ANKIB1: variants seen among roughly 807,000 people sequenced by gnomAD.
ANKIB1 encodes the protein ankyrin repeat and IBR domain containing 1.
ANKIB1 carries 43 observed loss-of-function variants against 122.1 expected under a neutral mutation model. That is an observed-to-expected ratio of 0.35 (90% CI 0.28 to 0.45). The LOEUF is 0.45. Among genes scored for constraint, ANKIB1 ranks in the 20% least tolerant of loss-of-function variants. ANKIB1 has a pLI of 1.00. For missense variants in ANKIB1, 992 were observed against 1,329.5 expected (o/e 0.75, Z 3.95); for synonymous variants, 390 against 442.0 (o/e 0.88, Z 1.48).
intron 1 of ANKIB1, among the ~76,000 whole-genome samples, chr7:92,268,080 CTTTTG>C (rs1004045581): frequency 1.5e-4 from 23 of 152,104 alleles, no homozygotes; most frequent in Non-Finnish European, 2.9e-4. Flanking sequence ...TTTCTGTGTA[CTTTTG>C]TTTTGTTTAT....
intron 2 of ANKIB1, among the ~76,000 whole-genome samples, chr7:92,302,121 A>G (rs949806601): frequency 6.6e-6 from 1 of 151,932 alleles, no homozygotes; most frequent in African/African-American, 2.4e-5. Context: ...TTTAGTAGAG[A>G]TGTAGTTTCA....
chr7:92,354,465 AG>A (rs1803743369), intron 9 of ANKIB1, among the ~76,000 whole-genome samples: 1 of 152,190 alleles, frequency 6.6e-6, no homozygotes, highest in African/African-American at 2.4e-5. Context: ...CCTATTCATT[AG>A]GGTAGTAGAG....
chr7:92,359,961 G>A (rs1049555478), intron 9 of ANKIB1, among the ~76,000 whole-genome samples: 4 of 152,130 alleles, frequency 2.6e-5, no homozygotes, highest in Admixed American at 2.0e-4. Context: ...CTACCACTAA[G>A]TTGCTAGGAG....
intron 11 of ANKIB1, among the ~76,000 whole-genome samples, chr7:92,372,068 G>C (rs1407741641): frequency 6.6e-6 from 1 of 150,638 alleles, no homozygotes; most frequent in Non-Finnish European, 1.5e-5. Context: ...GCTGGTTTTG[G>C]AGCGTACGGC....
chr7:92,387,728 A>T (rs973761785), intron 12 of ANKIB1, 70 bp from the exon 13 acceptor site: 9 of 1,165,782 alleles, frequency 7.7e-6, no homozygotes, highest in Admixed American at 4.9e-5. Flanking sequence ...CTTTTAAATG[A>T]TTCCCCCAAA....
At position 92,246,369 on chromosome 7, in the gene ANKIB1, C is replaced by T. The variant is rs1380401818; in HGVS notation, c.-241C>T. 1 of 466,876 alleles carries T rather than the reference C, an allele frequency of 2.1e-6. No homozygotes were observed. Among genetic ancestry groups the T allele is most frequent in the African/African-American group, 2.0e-5 (1 of 50,476 alleles). The allele number at this position is 466,876 out of a possible 1,614,324, so 28.9% of individuals were successfully genotyped here. A position where few individuals can be genotyped will look rare whatever the true frequency, so the allele number is the denominator to read the frequency against. Reference sequence around the variant, plus strand: ...ATCAGCCTCCGCCTGGCGGGTGCACCCGGGCCGGCGAGGAAGGGGCAACCG... The same window carrying T: ...ATCAGCCTCCGCCTGGCGGGTGCACTCGGGCCGGCGAGGAAGGGGCAACCG... On this transcript the variant is annotated 5_prime_UTR_variant, in exon 1 of 20. Coordinates refer to ENST00000265742, the MANE Select transcript of ANKIB1 (RefSeq NM_019004.2).
intron 3 of ANKIB1, among the ~76,000 whole-genome samples, chr7:92,314,978 A>T (rs1802764321): frequency 6.6e-6 from 1 of 152,032 alleles, no homozygotes; most frequent in Admixed American, 6.6e-5. Context: ...GCCTTTGGTG[A>T]CTCAGTCAGT....
chr7:92,311,858 G>T (rs1475011188), intron 3 of ANKIB1, among the ~76,000 whole-genome samples: 1 of 152,058 alleles, frequency 6.6e-6, no homozygotes, highest in Non-Finnish European at 1.5e-5. Flanking sequence ...GCCTATATCT[G>T]ACTTCTCTGA....
At chr7:92,295,214 A>G (rs780309242) in intron 2 of ANKIB1, 48 bp downstream of exon 2, 1 of 1,307,994 alleles carries the variant, frequency 7.6e-7, no homozygotes, top group South Asian at 2.1e-5. Flanking sequence ...ACCGTAAACT[A>G]ATTGGTAACA....
chr7:92,291,039 A>G lies in ANKIB1; in HGVS notation c.-90-3850A>G, dbSNP rs188131123. ...CTGGGTGCAGTGGCTCGCACCTGTA[A>G]TGTCAGCACTTTGGAAGGCCGAGGT... On this transcript the variant is annotated intron_variant, in intron 1 of 19. Transcript: ENST00000265742. Among the ~76,000 whole-genome samples, 364 of 152,312 alleles carry G rather than the reference A, an allele frequency of 2.4e-3. 2 individuals are homozygous for G. The highest frequency in any genetic ancestry group is 8.2e-3 in the African/African-American group (341 of 41,564).
chr7:92,380,645 A>G (rs1335283708), intron 11 of ANKIB1, among the ~76,000 whole-genome samples: 3 of 152,212 alleles, frequency 2.0e-5, no homozygotes, highest in Non-Finnish European at 4.4e-5. Context: ...AGCAAACTCC[A>G]ACAGACCTGC....
intron 6 of ANKIB1, 74 bp from the exon 7 acceptor site, chr7:92,344,904 A>T: frequency 7.4e-7 from 1 of 1,360,346 alleles, no homozygotes; most frequent in Non-Finnish European, 1.0e-6. Flanking sequence ...TGCCTTTTAA[A>T]AAAGTAAACA....
intron 11 of ANKIB1, among the ~76,000 whole-genome samples, chr7:92,385,117 A>C (rs1804605960): frequency 6.6e-6 from 1 of 152,262 alleles, no homozygotes; most frequent in African/African-American, 2.4e-5. Flanking sequence ...TGCAGCCAAC[A>C]GGCATGAAAA....
chr7:92,313,332 G>A (rs1802730305), intron 3 of ANKIB1, among the ~76,000 whole-genome samples: 2 of 152,058 alleles, frequency 1.3e-5, no homozygotes, highest in Admixed American at 6.6e-5. Context: ...TTGAAAAGTC[G>A]TAAAAACCAT....
intron 1 of ANKIB1, among the ~76,000 whole-genome samples, chr7:92,256,151 G>A (rs989136807): frequency 1.4e-4 from 21 of 152,192 alleles, no homozygotes; most frequent in Admixed American, 2.6e-4. Context: ...CCGTTTTCAG[G>A]AGGAATTGGT....
intron 1 of ANKIB1, among the ~76,000 whole-genome samples, chr7:92,265,035 G>T: frequency 6.6e-6 from 1 of 152,122 alleles, no homozygotes; most frequent in East Asian, 1.9e-4. Flanking sequence ...GAGTTCAGTG[G>T]TGCTATCATA....
At chr7:92,333,388 C>T (rs1047660145) in intron 5 of ANKIB1, among the ~76,000 whole-genome samples, 5 of 152,162 alleles carry the variant, frequency 3.3e-5, no homozygotes, top group African/African-American at 4.8e-5. Context: ...TGTTACCCTC[C>T]CTCCTGCCAC....
chr7:92,263,682 C>T (rs867663255), intron 1 of ANKIB1, among the ~76,000 whole-genome samples: 3 of 151,938 alleles, frequency 2.0e-5, no homozygotes, highest in South Asian at 2.1e-4. Context: ...GCTGAAACAC[C>T]GAAGTATGAT....
At chr7:92,310,122 T>G (rs761882017) in intron 3 of ANKIB1, among the ~76,000 whole-genome samples, 43 of 151,506 alleles carry the variant, frequency 2.8e-4, no homozygotes, top group Non-Finnish European at 4.9e-4. Flanking sequence ...GTGAAAGAAA[T>G]TAGTGCCAGG....
Sources: allele counts gnomAD v4.1 joint callset (sites outside exome capture counted in the v4.1 genomes callset), GRCh38; gene constraint gnomAD v4.1.1; transcripts MANE v1.5; gene names NCBI Gene and HGNC (gene_info 2026-07-23, HGNC 2026-07-21).